Variants in MYBPH observed in about 807,000 individuals in gnomAD.
The protein encoded by MYBPH is myosin binding protein H, also known as myosin-binding protein H.
A neutral mutation model predicts 53.6 loss-of-function variants in MYBPH; 49 were observed. The ratio of observed to expected loss-of-function variants is 0.91; its 90% confidence interval spans 0.73 to 1.16. MYBPH has a LOEUF of 1.16. MYBPH is among the 50% of genes most tolerant of loss of function. MYBPH has a pLI of 0.00. For missense variants in MYBPH, 558 were observed against 624.1 expected (o/e 0.89, Z 1.13); for synonymous variants, 239 against 249.6 (o/e 0.96, Z 0.40).
chr1:203,170,494 CA>C, intron 6 of MYBPH, 44 bp from the exon 7 acceptor site: 1 of 1,597,654 alleles, frequency 6.3e-7, no homozygotes, highest in Non-Finnish European at 8.5e-7. Context: ...CCCCTGTCCT[CA>C]CCCTCCCTGC....
Position 203,169,397 on chromosome 1 carries a change from C to G in MYBPH, c.1094-8G>C. 6.4e-7 allele frequency: 1 copy of G among 1,560,796 alleles called. No individual in the cohort carries two copies. Among genetic ancestry groups the G allele is most frequent in the South Asian group, 1.2e-5 (1 of 85,310 alleles). ...TAGGTTTGGCAGCAATATCTGGGTTCAGGGGAGAAAGTCGGGTGCATCTGA... is the reference window on the plus strand; with the variant it reads ...TAGGTTTGGCAGCAATATCTGGGTTGAGGGGAGAAAGTCGGGTGCATCTGA... On this transcript the variant is annotated splice_polypyrimidine_tract_variant and splice_region_variant and intron_variant, in intron 7 of 10. Transcript: ENST00000255416.
upstream of MYBPH, among the ~76,000 whole-genome samples, chr1:203,178,081 A>G (rs1655849111): frequency 6.6e-6 from 1 of 152,218 alleles, no homozygotes. Flanking sequence ...AGAATCCACA[A>G]ATCAATTCTC....
At chr1:203,174,240 C>G (rs1655754327) in intron 3 of MYBPH, 190 bp downstream of exon 3, 1 of 911,644 alleles carries the variant, frequency 1.1e-6, no homozygotes, top group Non-Finnish European at 1.3e-6. Context: ...TCTTAGACCT[C>G]CAGAGGCCCC....
At chr1:203,170,921 G>T (rs1655681787) in intron 6 of MYBPH, 140 bp downstream of exon 6, 2 of 1,167,826 alleles carry the variant, frequency 1.7e-6, no homozygotes, top group Non-Finnish European at 2.3e-6. Flanking sequence ...TCTTGCTAAG[G>T]GCCTCCTAGG....
upstream of MYBPH, among the ~76,000 whole-genome samples, chr1:203,178,099 C>G (rs920937543): frequency 1.3e-5 from 2 of 152,194 alleles, no homozygotes; most frequent in African/African-American, 4.8e-5. Context: ...CTCTTTAGTT[C>G]TGGGGTGAGT....
At position 203,172,455 on chromosome 1, in the gene MYBPH, G is replaced by A. The variant is rs75983104; in HGVS notation, c.509-415C>T. 4.1e-3 allele frequency among the ~76,000 whole-genome samples: 625 copies of A among 152,260 alleles called. 6 individuals are homozygous for A. The highest frequency in any genetic ancestry group is 0.013 in the African/African-American group (537 of 41,542). ...CTTCTAGGAAGGGGAGGCCACTGCC[G>A]TCTTCCTGCTCTAATATCCCCAGCT... is the stretch of plus-strand genomic sequence containing the variant. On this transcript the variant is annotated intron_variant, in intron 3 of 10. Coordinates refer to ENST00000255416, the MANE Select transcript of MYBPH (RefSeq NM_004997.3).
In MYBPH at chr1:203,171,352, A is replaced by G. The variant is rs1270158154; in HGVS notation, c.793+31T>C. The G allele has an allele frequency of 1.9e-6, 3 of 1,594,184 alleles. No homozygotes were observed. The highest frequency in any genetic ancestry group is 1.7e-5 in the Admixed American group (1 of 59,134). Reference sequence around the variant, plus strand: ...GGAGGTTGGGGGCTCCAGGTCCCCCATGAGACAGCACTGTTCCCCTGGCTC... The same window carrying G: ...GGAGGTTGGGGGCTCCAGGTCCCCCGTGAGACAGCACTGTTCCCCTGGCTC... On this transcript the variant is annotated intron_variant, in intron 5 of 10. Coordinates refer to ENST00000255416, the MANE Select transcript of MYBPH (RefSeq NM_004997.3). This position sits in a 1 kb window ranked among gnomAD's most constrained non-coding sequence, Gnocchi z 4.2.
intron 10 of MYBPH, among the ~76,000 whole-genome samples, chr1:203,168,423 C>G (rs919107055): frequency 6.6e-5 from 10 of 152,208 alleles, no homozygotes; most frequent in Non-Finnish European, 1.3e-4. Context: ...GAATCACCCC[C>G]CTTCCAGGAG....
chr1:203,174,576 C>A lies in MYBPH; in HGVS notation c.362G>T (p.Ser121Ile). 1.2e-6 allele frequency: 2 copies of A among 1,606,048 alleles called. No homozygotes were observed. The highest frequency in any genetic ancestry group is 4.5e-5 in the East Asian group (2 of 44,632). ...REGASEWVPV[S>I]ARPMMVTQQT... Reference sequence around the variant, plus strand: ...CTGGGTCACCATCATGGGCCGGGCACTCACAGGCACCCACTCCGAGGCTGA... The same window carrying A: ...CTGGGTCACCATCATGGGCCGGGCAATCACAGGCACCCACTCCGAGGCTGA... The change falls in exon 3 of 11, where the codon AGT (serine) becomes ATT (isoleucine). Residue 121 changes from serine (S) to isoleucine (I), a missense_variant. Coordinates refer to ENST00000255416, the MANE Select transcript of MYBPH (RefSeq NM_004997.3).
chr1:203,176,087 G>T (rs142774922), upstream of MYBPH, among the ~76,000 whole-genome samples: 225 of 152,314 alleles, frequency 1.5e-3, no homozygotes, highest in African/African-American at 5.0e-3. Context: ...CATCGAGCAG[G>T]CCGCGTGCCA....
At chr1:203,172,137 TGG>T in intron 3 of MYBPH, 97 bp from the exon 4 acceptor site, 1 of 742,876 alleles carries the variant, frequency 1.3e-6, no homozygotes, top group East Asian at 3.4e-5. Context: ...GGATGCTGGC[TGG>T]GAGGAGGGTC....
chr1:203,169,485 T>C, intron 7 of MYBPH, 96 bp from the exon 8 acceptor site: 1 of 1,498,980 alleles, frequency 6.7e-7, no homozygotes, highest in Non-Finnish European at 9.1e-7. Context: ...GGATAGCAAG[T>C]CGTGGCTTAT....
intron 3 of MYBPH, among the ~76,000 whole-genome samples, chr1:203,172,793 G>T (rs1655725210): frequency 6.6e-6 from 1 of 152,204 alleles, no homozygotes. Flanking sequence ...TGTCCCCTGG[G>T]GTGGGTGCTG....
At position 203,168,051 on chromosome 1, in the gene MYBPH, A is replaced by T. The variant is rs1021933830; in HGVS notation, c.*73T>A. 2.6e-4 allele frequency: 40 copies of T among 156,560 alleles called. No homozygotes were observed. Among genetic ancestry groups the T allele is most frequent in the African/African-American group, 8.9e-4 (37 of 41,434 alleles). The allele number at this position is 156,560 out of a possible 1,614,324, so 9.7% of individuals were successfully genotyped here. A position where few individuals can be genotyped will look rare whatever the true frequency, so the allele number is the denominator to read the frequency against. On this transcript the variant is annotated 3_prime_UTR_variant, in exon 11 of 11. Coordinates refer to ENST00000255416, the MANE Select transcript of MYBPH (RefSeq NM_004997.3). ...GGGTCTTGGGCATCTCTGGAGTTTG[A>T]CTGTAGGCCTGGTGGACCTGGCCCC...
chr1:203,169,150 C>G, intron 8 of MYBPH, 58 bp from the exon 9 acceptor site: 2 of 1,594,132 alleles, frequency 1.3e-6, no homozygotes, highest in Non-Finnish European at 1.7e-6. Flanking sequence ...GGGCTCTCAA[C>G]AGCTATCCCC....
intron 3 of MYBPH, among the ~76,000 whole-genome samples, chr1:203,173,192 TG>T (rs1297693879): frequency 2.0e-5 from 3 of 152,228 alleles, no homozygotes; most frequent in Non-Finnish European, 4.4e-5. Flanking sequence ...CCATCAATGC[TG>T]GGCCTCAGGG....
chr1:203,177,862 T>C (rs1450962491), upstream of MYBPH, among the ~76,000 whole-genome samples: 1 of 152,178 alleles, frequency 6.6e-6, no homozygotes, highest in African/African-American at 2.4e-5. Context: ...AAATGCCGGG[T>C]ACCCCCTCCC....
intron 2 of MYBPH, 140 bp downstream of exon 2, chr1:203,175,187 T>G (rs1571823357): frequency 1.9e-6 from 2 of 1,045,366 alleles, no homozygotes; most frequent in Non-Finnish European, 2.6e-6. Flanking sequence ...GGCAGGTGGG[T>G]GGGTTGAGGA....
chr1:203,169,455 G>T, intron 7 of MYBPH, 66 bp from the exon 8 acceptor site: 1 of 1,539,144 alleles, frequency 6.5e-7, no homozygotes, highest in South Asian at 1.2e-5. Flanking sequence ...TGTCAGGACT[G>T]ACTATGATTC....
Sources: allele counts gnomAD v4.1 joint callset (sites outside exome capture counted in the v4.1 genomes callset), GRCh38; gene constraint gnomAD v4.1.1; non-coding constraint Gnocchi (gnomAD v3.1); transcripts MANE v1.5; gene names NCBI Gene and HGNC (gene_info 2026-07-23, HGNC 2026-07-21).